Variants in HEG1 observed in about 807,000 individuals in gnomAD.
HEG1 encodes the protein heart development protein with EGF like domains 1, also known as protein HEG homolog 1.
Under a neutral mutation model 125.6 loss-of-function variants are expected in HEG1, and 56 were observed. That is an observed-to-expected ratio of 0.45 (90% CI 0.36 to 0.56). The LOEUF (loss-of-function observed/expected upper bound fraction) is 0.56, where lower values mean the gene tolerates loss of function less well. Ranked by LOEUF, HEG1 falls within the 20% of genes least tolerant of loss-of-function variation. HEG1 has a pLI of 0.00. For synonymous variants in HEG1, 644 were observed against 668.5 expected (o/e 0.96, Z 0.57); for missense variants, 1,523 against 1,670.0 (o/e 0.91, Z 1.53).
rs573301418 is a variant in HEG1, at chr3:125,009,209, C to A, written c.3193+496G>T. ...TGCCTATGAGCAAGAGCATGAAGGT[C>A]ATTTTTAAAAACTGAAAGAATGTGT... On this transcript the variant is annotated intron_variant, in intron 8 of 16. Transcript: ENST00000311127. 3.3e-5 allele frequency among the ~76,000 whole-genome samples: 5 copies of A among 151,904 alleles called. No homozygotes were observed. In the South Asian group the frequency reaches 6.2e-4, roughly 19 times the overall value.
rs1297385978 is a variant in HEG1, at chr3:124,967,538, A to T, written c.*3114T>A. On this transcript the variant is annotated 3_prime_UTR_variant, in exon 17 of 17. Coordinates refer to ENST00000311127, the MANE Select transcript of HEG1 (RefSeq NM_020733.2). ...TAATATTAAGGTTCCTTAAAAAAAT[A>T]ACTTATCTTTAAAGCCCTTTCTCTC... The T allele has an allele frequency of 1.3e-5, 2 of 151,056 alleles. No homozygotes were observed. Among genetic ancestry groups the T allele is most frequent in the African/African-American group, 4.9e-5 (2 of 40,860 alleles). The allele number at this position is 151,056 out of a possible 1,614,324, so 9.4% of individuals were successfully genotyped here.
At chr3:124,990,416 G>A (rs556923427) in intron 14 of HEG1, among the ~76,000 whole-genome samples, 19 of 151,394 alleles carry the variant, frequency 1.3e-4, no homozygotes, top group African/African-American at 4.6e-4. Context: ...TTGGCTCACT[G>A]CAACCTCCGC....
chr3:124,989,160 A>G (rs1462192894), intron 14 of HEG1, among the ~76,000 whole-genome samples: 1 of 152,218 alleles, frequency 6.6e-6, no homozygotes, highest in Non-Finnish European at 1.5e-5. Flanking sequence ...GCACCAAGAG[A>G]GTTTTATGTC....
chr3:124,997,391 A>C (rs1936937831), intron 12 of HEG1, among the ~76,000 whole-genome samples: 1 of 152,080 alleles, frequency 6.6e-6, no homozygotes, highest in African/African-American at 2.4e-5. Flanking sequence ...TAAAACAATA[A>C]TTTTTCTAAC....
intron 1 of HEG1, among the ~76,000 whole-genome samples, chr3:125,042,235 C>A (rs944242394): frequency 9.2e-5 from 14 of 152,264 alleles, no homozygotes; most frequent in Non-Finnish European, 1.5e-4. Context: ...CGAGACCAGC[C>A]TGGCCAACAT....
chr3:124,993,725 C>T lies in HEG1; in HGVS notation c.3653-2739G>A, dbSNP rs1329036979. On this transcript the variant is annotated intron_variant, in intron 12 of 16. Coordinates refer to ENST00000311127, the MANE Select transcript of HEG1 (RefSeq NM_020733.2). ...GAAATGTTTTTACATCCAATCTCCC[C>T]ACCCAACATTAGACTTCATCTGCTG... is the stretch of plus-strand genomic sequence containing the variant. Among the ~76,000 whole-genome samples, 3 of 152,180 alleles carry T rather than the reference C, an allele frequency of 2.0e-5. No homozygotes were observed. The East Asian group carries it at 5.8e-4, about 29-fold the overall frequency.
chr3:125,001,452 G>GT (rs1228806028), intron 11 of HEG1, among the ~76,000 whole-genome samples: 2 of 151,836 alleles, frequency 1.3e-5, no homozygotes, highest in Non-Finnish European at 2.9e-5. Context: ...CCAGATGAAG[G>GT]TTTTTTTGGG....
intron 3 of HEG1, among the ~76,000 whole-genome samples, chr3:125,022,075 T>C (rs886837100): frequency 3.3e-5 from 5 of 152,122 alleles, no homozygotes; most frequent in African/African-American, 1.2e-4. Flanking sequence ...ACAAATAACT[T>C]TCCAAAGGAT....
chr3:124,978,053 G>C, intron 14 of HEG1, 107 bp from the exon 15 acceptor site: 1 of 760,894 alleles, frequency 1.3e-6, no homozygotes, highest in Non-Finnish European at 2.1e-6. Flanking sequence ...CCTGCCTTGA[G>C]GGGTGCCCTC....
intron 2 of HEG1, among the ~76,000 whole-genome samples, chr3:125,028,002 G>A (rs1296557455): frequency 6.6e-6 from 1 of 152,028 alleles, no homozygotes; most frequent in African/African-American, 2.4e-5. Context: ...CTGCCACTAG[G>A]ACCTGAAACC....
intron 6 of HEG1, 21 bp from the exon 7 acceptor site, chr3:125,010,576 T>G (rs375721197): frequency 3.5e-5 from 49 of 1,414,878 alleles, no homozygotes; most frequent in Non-Finnish European, 4.6e-5. Context: ...ATTCCAGGAG[T>G]AAAGCAGTTA....
intron 8 of HEG1, among the ~76,000 whole-genome samples, chr3:125,008,004 G>A (rs577121764): frequency 6.6e-6 from 1 of 152,208 alleles, no homozygotes; most frequent in South Asian, 2.1e-4. Flanking sequence ...CCAGCTGCCG[G>A]GTTCAAGCAA....
chr3:124,995,631 C>T (rs1936909280), intron 12 of HEG1, among the ~76,000 whole-genome samples: 1 of 152,206 alleles, frequency 6.6e-6, no homozygotes, highest in Non-Finnish European at 1.5e-5. Context: ...CCATCAGAAC[C>T]CAGCCTAAAG....
intron 1 of HEG1, among the ~76,000 whole-genome samples, chr3:125,047,207 T>C (rs1937685829): frequency 6.6e-6 from 1 of 152,258 alleles, no homozygotes; most frequent in Admixed American, 6.5e-5. Flanking sequence ...GCTTGCCCAC[T>C]GTCCAGTAAA....
intron 2 of HEG1, among the ~76,000 whole-genome samples, chr3:125,028,751 C>CA (rs1183688793): frequency 6.6e-6 from 1 of 152,138 alleles, no homozygotes; most frequent in Non-Finnish European, 1.5e-5. Context: ...TTCCTCCGTG[C>CA]AATTTTACCC....
At chr3:124,998,763 G>A (rs1312541174) in intron 11 of HEG1, among the ~76,000 whole-genome samples, 3 of 152,108 alleles carry the variant, frequency 2.0e-5, no homozygotes, top group African/African-American at 7.2e-5. Flanking sequence ...GTGTATATGG[G>A]GTACACAGAG....
intron 5 of HEG1, chr3:125,015,049 A>G (rs1352967035): frequency 8.3e-7 from 1 of 1,201,784 alleles, no homozygotes; most frequent in East Asian, 5.8e-5. Context: ...TGAAAAATGC[A>G]GGGCTGGAGC....
At chr3:125,017,556 G>A (rs1375361445) in intron 5 of HEG1, among the ~76,000 whole-genome samples, 3 of 152,148 alleles carry the variant, frequency 2.0e-5, no homozygotes, top group Admixed American at 1.3e-4. Flanking sequence ...GCTATAATCA[G>A]AAAAGATGGA....
chr3:125,009,803 T>C lies in HEG1; in HGVS notation c.3095A>G (p.Asn1032Ser). Residue 1032 changes from asparagine (N) to serine (S), a missense_variant, in exon 8 of 17, where the codon AAC (asparagine) becomes AGC (serine). Physicochemically the swap from Asn to Ser is conservative, Grantham distance 46. Coordinates refer to ENST00000311127, the MANE Select transcript of HEG1 (RefSeq NM_020733.2). The part of the protein sequence containing the change: ...CSVDVNECLS[N>S]PCPSTAMCNN... ...GCACATGGCTGTGGATGGGCAGGGG[T>C]TCGACAGGCACTCATTCACATCTGT... is the stretch of plus-strand genomic sequence containing the variant. 6.2e-7 allele frequency: 1 copy of C among 1,613,212 alleles called. No homozygotes were observed. Among genetic ancestry groups the C allele is most frequent in the Admixed American group, 1.7e-5 (1 of 59,980 alleles).
Sources: allele counts gnomAD v4.1 joint callset (sites outside exome capture counted in the v4.1 genomes callset), GRCh38; gene constraint gnomAD v4.1.1; transcripts MANE v1.5; gene names NCBI Gene and HGNC (gene_info 2026-07-23, HGNC 2026-07-21).